The following KCNT2 variants were observed in gnomAD, a reference collection of about 807,000 sequenced individuals.
The protein encoded by KCNT2 is potassium channel subfamily T member 2.
In KCNT2, 67 loss-of-function variants were observed where a neutral mutation model predicts 153.8. The observed-to-expected ratio is 0.44, with a 90% CI of 0.36 to 0.53. The LOEUF is 0.53. KCNT2 is among the 20% of genes least tolerant of loss of function. The probability of loss-of-function intolerance (pLI) is 0.00; values close to 1 mark genes in which losing one functional copy is unlikely to be tolerated. For synonymous variants in KCNT2, 500 were observed against 458.8 expected, an observed-to-expected ratio of 1.09 and a Z score of -1.15; for missense variants, 975 against 1,354.8, an observed-to-expected ratio of 0.72 and a Z score of 4.40.
At chr1:196,451,900 T>G (rs1676242772) in intron 8 of KCNT2, among the ~76,000 whole-genome samples, 1 of 151,946 alleles carries the variant, frequency 6.6e-6, no homozygotes. Context: ...AAATAAAATT[T>G]TGGAATGCTA....
intron 13 of KCNT2, among the ~76,000 whole-genome samples, chr1:196,376,014 T>G (rs112133808): frequency 3.3e-5 from 5 of 151,904 alleles, no homozygotes; most frequent in Non-Finnish European, 7.4e-5. Context: ...AGACTTGTCC[T>G]CTTAGGTCCA....
intron 1 of KCNT2, among the ~76,000 whole-genome samples, chr1:196,607,610 A>G (rs1665465462): frequency 6.6e-6 from 1 of 152,234 alleles, no homozygotes; most frequent in Non-Finnish European, 1.5e-5. Context: ...TCACCTGTTC[A>G]AAGTGAGTAT....
intron 1 of KCNT2, among the ~76,000 whole-genome samples, chr1:196,504,146 C>T (rs1211386314): frequency 1.3e-5 from 2 of 151,906 alleles, no homozygotes; most frequent in African/African-American, 2.4e-5. Context: ...AGGTTAGTTA[C>T]ATATGTATAC....
chr1:196,253,896 A>T (rs1656223484), intron 26 of KCNT2, among the ~76,000 whole-genome samples: 1 of 151,566 alleles, frequency 6.6e-6, no homozygotes. Context: ...TTTTTCCTAC[A>T]CATGTGCCAA....
chr1:196,329,628 A>T (rs1485090947), intron 18 of KCNT2, among the ~76,000 whole-genome samples: 2 of 151,466 alleles, frequency 1.3e-5, no homozygotes, highest in Admixed American at 1.3e-4. Context: ...AATAACAACA[A>T]TATTATAAAT....
chr1:196,290,743 T>C (rs1230935056), intron 22 of KCNT2, among the ~76,000 whole-genome samples: 1 of 152,110 alleles, frequency 6.6e-6, no homozygotes, highest in Non-Finnish European at 1.5e-5. Context: ...TTTTAATCAA[T>C]ATATTCACCC....
At chr1:196,587,812 G>A (rs1026445349) in intron 1 of KCNT2, among the ~76,000 whole-genome samples, 5 of 151,870 alleles carry the variant, frequency 3.3e-5, no homozygotes, top group African/African-American at 1.2e-4. Flanking sequence ...CATGGGTAGG[G>A]GTAACATGAT....
chr1:196,269,650 G>A (rs1558084938), intron 25 of KCNT2, among the ~76,000 whole-genome samples: 1 of 151,978 alleles, frequency 6.6e-6, no homozygotes, highest in Non-Finnish European at 1.5e-5. Context: ...TCTTACTACA[G>A]CCTTTTTTTC....
chr1:196,433,943 TTG>T (rs1211323382), intron 8 of KCNT2, among the ~76,000 whole-genome samples: 1 of 151,960 alleles, frequency 6.6e-6, no homozygotes, highest in African/African-American at 2.4e-5. Context: ...TTTACAACTG[TTG>T]TGTGTGTTTA....
chr1:196,305,181 ATTTCTGAAT>A (rs1661513946), intron 22 of KCNT2, 44 bp downstream of exon 22: 2 of 1,049,924 alleles, frequency 1.9e-6, no homozygotes, highest in East Asian at 4.9e-5. Context: ...TACAGAGTTA[ATTTCTGAAT>A]AAAGATGGTT....
intron 14 of KCNT2, among the ~76,000 whole-genome samples, chr1:196,367,944 A>C (rs1668181651): frequency 6.6e-6 from 1 of 152,158 alleles, no homozygotes. Context: ...CCTGAAGCAG[A>C]GAATGCATTT....
chr1:196,371,794 T>C (rs1484672774), intron 14 of KCNT2, among the ~76,000 whole-genome samples: 12 of 152,164 alleles, frequency 7.9e-5, no homozygotes. Flanking sequence ...TACTAGGAGA[T>C]GCACAACGAA....
chr1:196,331,080 CA>C (rs1558153859), intron 18 of KCNT2, 75 bp downstream of exon 18: 2 of 813,694 alleles, frequency 2.5e-6, no homozygotes, highest in Admixed American at 2.0e-5. Flanking sequence ...AAATGCTGTA[CA>C]AATTACTTAA....
intron 14 of KCNT2, among the ~76,000 whole-genome samples, chr1:196,349,943 T>C (rs1055667453): frequency 6.6e-6 from 1 of 151,842 alleles, no homozygotes; most frequent in East Asian, 2.0e-4. Context: ...TATCTATGAG[T>C]GAGAACGTGT....
intron 1 of KCNT2, among the ~76,000 whole-genome samples, chr1:196,606,627 C>G (rs561595880): frequency 6.6e-6 from 1 of 151,992 alleles, no homozygotes; most frequent in Non-Finnish European, 1.5e-5. Flanking sequence ...TGAGGGCAAC[C>G]ACATGAAAAT....
At chr1:196,411,365 T>C (rs572443290) in intron 12 of KCNT2, among the ~76,000 whole-genome samples, 3 of 151,220 alleles carry the variant, frequency 2.0e-5, no homozygotes, top group Admixed American at 6.6e-5. Flanking sequence ...TGCTTTCTTC[T>C]TTGTTCTTAG....
At chr1:196,433,164 C>T (rs1674313174) in intron 8 of KCNT2, among the ~76,000 whole-genome samples, 1 of 152,058 alleles carries the variant, frequency 6.6e-6, no homozygotes, top group Admixed American at 6.6e-5. Flanking sequence ...TGTTAAATTT[C>T]CAGCATCTTG....
rs571351635 is a variant in KCNT2, at chr1:196,397,621, A to G, written c.1294+942T>C. 3.2e-4 allele frequency among the ~76,000 whole-genome samples: 49 copies of G among 151,612 alleles called. No individual in the cohort carries two copies. In the East Asian group the frequency reaches 3.7e-3, roughly 11 times the overall value. ...GTTTGCTATACATTGTTAGGAAAAA[A>G]AGTGATGACATAAATTTGGGGAAGG... On this transcript the variant is annotated intron_variant, in intron 13 of 27. Transcript: ENST00000294725.
intron 13 of KCNT2, among the ~76,000 whole-genome samples, chr1:196,383,516 G>A (rs796273848): frequency 7.9e-5 from 12 of 152,246 alleles, no homozygotes; most frequent in African/African-American, 2.9e-4. Flanking sequence ...ATGAGTTGAT[G>A]AGGTGGAAGG....
Sources: allele counts gnomAD v4.1 joint callset (sites outside exome capture counted in the v4.1 genomes callset), GRCh38; gene constraint gnomAD v4.1.1; transcripts MANE v1.5; gene names NCBI Gene and HGNC (gene_info 2026-07-23, HGNC 2026-07-21).